PAG1: variants seen among roughly 807,000 people sequenced by gnomAD.
PAG1 encodes the protein phosphoprotein associated with glycosphingolipid-enriched microdomains 1.
A neutral mutation model predicts 31.7 loss-of-function variants in PAG1; 23 were observed. The observed-to-expected ratio is 0.73, with a 90% CI of 0.52 to 1.03. The LOEUF (loss-of-function observed/expected upper bound fraction) is 1.03. Ranked by LOEUF, PAG1 falls within the 50% of genes least tolerant of loss-of-function variation. The pLI, the probability that PAG1 is intolerant of heterozygous loss-of-function variation, is 0.00. For missense variants in PAG1, 473 were observed against 540.7 expected (o/e 0.87, Z 1.24); for synonymous variants, 214 against 210.3 (o/e 1.02, Z -0.15).
intron 1 of PAG1, among the ~76,000 whole-genome samples, chr8:81,093,428 T>C (rs1809478687): frequency 1.3e-5 from 2 of 152,214 alleles, no homozygotes; most frequent in Non-Finnish European, 2.9e-5. Context: ...AATCAACACA[T>C]AAATGCTTTC....
chr8:81,061,964 C>T (rs907356298), intron 2 of PAG1, among the ~76,000 whole-genome samples: 12 of 152,094 alleles, frequency 7.9e-5, no homozygotes, highest in African/African-American at 2.4e-4. Flanking sequence ...AGTTTAGTCT[C>T]GTAATTCAGT....
Position 81,011,454 on chromosome 8 carries a change from C to T in PAG1, c.-80-18147G>A, listed in dbSNP as rs188356564. Among the ~76,000 whole-genome samples the T allele has an allele frequency of 1.6e-3, 249 of 152,282 alleles. 3 individuals carry two copies. The highest frequency in any genetic ancestry group is 2.7e-3 in the Non-Finnish European group (184 of 68,022). On this transcript the variant is annotated intron_variant, in intron 3 of 8. Transcript: ENST00000220597. Reference sequence around the variant, plus strand: ...CATACCTTTCACCTTCCTCCATGATCGTGAGGACTCTCCAGCCACATGGAA... The same window carrying T: ...CATACCTTTCACCTTCCTCCATGATTGTGAGGACTCTCCAGCCACATGGAA...
chr8:81,106,978 T>G (rs995530055), intron 1 of PAG1, among the ~76,000 whole-genome samples: 1 of 152,200 alleles, frequency 6.6e-6, no homozygotes, highest in Admixed American at 6.5e-5. Context: ...CTGCTGATAC[T>G]TCTTTAGATT....
intron 6 of PAG1, among the ~76,000 whole-genome samples, chr8:80,985,708 G>A (rs892038229): frequency 6.6e-6 from 1 of 152,166 alleles, no homozygotes; most frequent in Non-Finnish European, 1.5e-5. Context: ...GTTTGATGCC[G>A]CTGAACTATG....
intron 3 of PAG1, among the ~76,000 whole-genome samples, chr8:81,000,263 C>T (rs940114198): frequency 3.9e-5 from 6 of 152,118 alleles, no homozygotes; most frequent in African/African-American, 9.7e-5. Flanking sequence ...TTATTGAATA[C>T]ATGTTTCTGT....
intron 3 of PAG1, among the ~76,000 whole-genome samples, chr8:81,012,914 T>A (rs555960255): frequency 6.6e-5 from 10 of 152,236 alleles, no homozygotes; most frequent in East Asian, 1.9e-4. Flanking sequence ...ATTTAAAAAA[T>A]TTTTTTTCAC....
chr8:81,053,728 C>A (rs79722570), intron 2 of PAG1, among the ~76,000 whole-genome samples: 3,024 of 152,214 alleles, frequency 0.02, 97 homozygotes, highest in African/African-American at 0.063. Flanking sequence ...GGAAGAGGAA[C>A]TGATTTCAGG....
At chr8:81,075,209 G>A (rs946879576) in intron 1 of PAG1, among the ~76,000 whole-genome samples, 1 of 152,164 alleles carries the variant, frequency 6.6e-6, no homozygotes, top group Non-Finnish European at 1.5e-5. Context: ...TGCCATTTGT[G>A]GCTTTTTAGA....
At chr8:81,029,440 T>G (rs1372059037) in intron 3 of PAG1, among the ~76,000 whole-genome samples, 3 of 151,888 alleles carry the variant, frequency 2.0e-5, no homozygotes, top group African/African-American at 7.3e-5. Context: ...AAGAACTTCA[T>G]GAAGCATTCC....
At chr8:81,081,211 T>C (rs1333580188) in intron 1 of PAG1, among the ~76,000 whole-genome samples, 1 of 150,344 alleles carries the variant, frequency 6.7e-6, no homozygotes. Context: ...TCCAAACAAA[T>C]TAAAAAAAAA....
chr8:81,056,620 G>A (rs1808826874), intron 2 of PAG1, among the ~76,000 whole-genome samples: 1 of 152,120 alleles, frequency 6.6e-6, no homozygotes. Context: ...AAAAACCCTG[G>A]AAGAAAACCT....
chr8:81,040,582 T>C (rs978457374), intron 2 of PAG1, among the ~76,000 whole-genome samples: 6 of 152,360 alleles, frequency 3.9e-5, no homozygotes, highest in African/African-American at 1.4e-4. Context: ...GCTACATATG[T>C]ATAAGAAGAG....
At chr8:81,110,766 C>G (rs897833139) in intron 1 of PAG1, among the ~76,000 whole-genome samples, 4 of 152,232 alleles carry the variant, frequency 2.6e-5, no homozygotes, top group African/African-American at 9.6e-5. Flanking sequence ...CCCATGCTCC[C>G]TATTAGGAGA....
intron 3 of PAG1, among the ~76,000 whole-genome samples, chr8:81,008,001 C>G (rs1161814872): frequency 6.6e-6 from 1 of 152,048 alleles, no homozygotes; most frequent in Non-Finnish European, 1.5e-5. Context: ...GAAAACTCAT[C>G]TAGGAAAATC....
At chr8:80,978,640 T>C (rs974930185) in intron 8 of PAG1, among the ~76,000 whole-genome samples, 2 of 152,232 alleles carry the variant, frequency 1.3e-5, no homozygotes, top group African/African-American at 4.8e-5. Flanking sequence ...TAAGAGTACT[T>C]GGTCTTCTTG....
chr8:81,009,534 G>A (rs1338526918), intron 3 of PAG1, among the ~76,000 whole-genome samples: 1 of 152,192 alleles, frequency 6.6e-6, no homozygotes, highest in Non-Finnish European at 1.5e-5. Flanking sequence ...TAGAGACTAA[G>A]ATGCTGAAAA....
chr8:81,008,220 A>G (rs983408631), intron 3 of PAG1, among the ~76,000 whole-genome samples: 3 of 152,200 alleles, frequency 2.0e-5, no homozygotes, highest in African/African-American at 7.2e-5. Flanking sequence ...TCTTTTTCAC[A>G]TCACATATTT....
intron 2 of PAG1, among the ~76,000 whole-genome samples, chr8:81,063,305 A>C (rs1808948073): frequency 6.6e-6 from 1 of 152,250 alleles, no homozygotes; most frequent in South Asian, 2.1e-4. Flanking sequence ...AGGCCCACAA[A>C]AGAAGTATCT....
At chr8:81,104,077 C>T (rs1377965009) in intron 1 of PAG1, among the ~76,000 whole-genome samples, 1 of 148,236 alleles carries the variant, frequency 6.7e-6, no homozygotes, top group Admixed American at 6.6e-5. Flanking sequence ...TTTCTTCCCC[C>T]CATCCCCTTT....
Sources: gnomAD v4.1 joint callset for allele counts (sites outside exome capture counted in the v4.1 genomes callset) on GRCh38, gnomAD v4.1.1 for gene constraint, MANE v1.5 for transcripts, NCBI Gene and HGNC (gene_info 2026-07-23, HGNC 2026-07-21) for gene names.